The following EPM2A variants were observed in gnomAD, a reference collection of about 807,000 sequenced individuals.
The protein encoded by EPM2A is laforin.
Under a neutral mutation model 26.5 loss-of-function variants are expected in EPM2A, and 21 were observed. The ratio of observed to expected loss-of-function variants is 0.79; its 90% CI spans 0.56 to 1.14. The LOEUF (loss-of-function observed/expected upper bound fraction) is 1.14. EPM2A is among the 50% of genes most tolerant of loss of function. EPM2A has a pLI of 0.00. For missense variants in EPM2A, 458 were observed against 440.8 expected (o/e 1.04, Z -0.35); for synonymous variants, 217 against 177.6 (o/e 1.22, Z -1.76).
intron 4 of EPM2A, among the ~76,000 whole-genome samples, chr6:145,466,255 C>T (rs1243317315): frequency 6.7e-6 from 1 of 149,104 alleles, no homozygotes; most frequent in African/African-American, 2.5e-5. Flanking sequence ...TGACAAAGGG[C>T]TAATATCCAG....
chr6:145,456,977 T>C (rs1173909274), intron 4 of EPM2A, among the ~76,000 whole-genome samples: 1 of 152,170 alleles, frequency 6.6e-6, no homozygotes, highest in Admixed American at 6.5e-5. Context: ...AAAATTCAAA[T>C]AGACTATGAG....
intron 2 of EPM2A, among the ~76,000 whole-genome samples, chr6:145,617,011 T>C (rs1055023428): frequency 1.3e-5 from 2 of 152,150 alleles, no homozygotes; most frequent in African/African-American, 4.8e-5. Flanking sequence ...TGGGAGGGCA[T>C]CATTGGTTTT....
intron 2 of EPM2A, 138 bp downstream of exon 2, chr6:145,685,984 T>G: frequency 1.3e-6 from 1 of 741,116 alleles, no homozygotes; most frequent in Non-Finnish European, 2.4e-6. Context: ...TTCACTGTAA[T>G]TTTCTCCTCA....
chr6:145,729,374 T>C (rs1776370071), intron 1 of EPM2A, among the ~76,000 whole-genome samples: 1 of 152,124 alleles, frequency 6.6e-6, no homozygotes, highest in African/African-American at 2.4e-5. Flanking sequence ...AGACACTCAA[T>C]ACCAGCTCAT....
At chr6:145,457,211 TTGGCTGGGTG>T (rs1779272406) in intron 4 of EPM2A, among the ~76,000 whole-genome samples, 1 of 152,120 alleles carries the variant, frequency 6.6e-6, no homozygotes, top group Non-Finnish European at 1.5e-5. Flanking sequence ...AATTCTGCCT[TTGGCTGGGTG>T]TGGCGGCTCA....
intron 4 of EPM2A, among the ~76,000 whole-genome samples, chr6:145,456,879 A>G (rs1779268492): frequency 6.6e-6 from 1 of 152,190 alleles, no homozygotes; most frequent in Non-Finnish European, 1.5e-5. Context: ...GAAATTTTCA[A>G]TGTATATATT....
intron 2 of EPM2A, among the ~76,000 whole-genome samples, chr6:145,547,270 C>T (rs1317636881): frequency 2.0e-5 from 3 of 152,116 alleles, no homozygotes; most frequent in African/African-American, 7.2e-5. Context: ...CTCAGATGTA[C>T]TGTACCCACT....
intron 2 of EPM2A, among the ~76,000 whole-genome samples, chr6:145,568,834 C>T (rs1780918752): frequency 6.6e-6 from 1 of 152,118 alleles, no homozygotes; most frequent in Non-Finnish European, 1.5e-5. Context: ...TGCACATTTA[C>T]ATTATGCAGA....
chr6:145,505,903 T>A (rs428659), intron 2 of EPM2A, among the ~76,000 whole-genome samples: 4 of 152,008 alleles, frequency 2.6e-5, no homozygotes, highest in Admixed American at 2.6e-4. Context: ...AAACTATTTA[T>A]CACTAATGAC....
At chr6:145,581,282 G>A (rs1308293613) in intron 2 of EPM2A, among the ~76,000 whole-genome samples, 1 of 151,974 alleles carries the variant, frequency 6.6e-6, no homozygotes, top group African/African-American at 2.4e-5. Context: ...CATGTTTGTT[G>A]GCTGCGTGTA....
chr6:145,490,420 A>G lies in EPM2A; in HGVS notation c.555+12102T>C, dbSNP rs150720248. ...ACATTTGAGGGTGCTATTTCTAGCAAATCTTTCATGACAATTTGGACATTC... is the reference window on the plus strand; with the variant it reads ...ACATTTGAGGGTGCTATTTCTAGCAGATCTTTCATGACAATTTGGACATTC... On this transcript the variant is annotated intron_variant, in intron 4 of 4. Transcript: ENST00000638717. 467 of 772,150 alleles carry G rather than the reference A, an allele frequency of 6.0e-4. 3 individuals carry two copies. The African/African-American group carries it at 6.2e-3, about 10-fold the overall frequency. The allele number at this position is 772,150 out of a possible 1,614,324, so 47.8% of individuals were successfully genotyped here. A position where few individuals can be genotyped will look rare whatever the true frequency, so the allele number is the denominator to read the frequency against.
chr6:145,519,120 G>A (rs1044200357), intron 2 of EPM2A, among the ~76,000 whole-genome samples: 1 of 152,128 alleles, frequency 6.6e-6, no homozygotes, highest in Admixed American at 6.5e-5. Flanking sequence ...AATGTCATAA[G>A]GTGAAGAAAA....
intron 1 of EPM2A, among the ~76,000 whole-genome samples, chr6:145,703,905 T>G (rs767031191): frequency 6.6e-5 from 10 of 152,242 alleles, no homozygotes; most frequent in Non-Finnish European, 1.3e-4. Context: ...ATAACAACTG[T>G]GTGATGATCT....
At chr6:145,686,743 A>C (rs1033436421) in intron 1 of EPM2A, 4 of 174,010 alleles carry the variant, frequency 2.3e-5, no homozygotes, top group Admixed American at 1.7e-4. Flanking sequence ...ATGCATAATT[A>C]TAAATAAATG....
At chr6:145,644,012 T>C (rs1016279350) in intron 2 of EPM2A, among the ~76,000 whole-genome samples, 4 of 152,176 alleles carry the variant, frequency 2.6e-5, no homozygotes, top group African/African-American at 9.7e-5. Flanking sequence ...AGCTCCCATG[T>C]AACACCCATG....
chr6:145,521,480 A>C (rs758135554), intron 2 of EPM2A, among the ~76,000 whole-genome samples: 1 of 152,250 alleles, frequency 6.6e-6, no homozygotes, highest in Non-Finnish European at 1.5e-5. Flanking sequence ...TTCTAGCCAC[A>C]ATCATTTGAA....
chr6:145,562,127 G>GTA (rs755571602), intron 2 of EPM2A, among the ~76,000 whole-genome samples: 16,503 of 140,114 alleles, frequency 0.12, 997 homozygotes, highest in South Asian at 0.14. Context: ...ATTACAAAAA[G>GTA]GAAAAAAAAA....
chr6:145,635,039 G>T, intron 3 of EPM2A: 1 of 547,842 alleles, frequency 1.8e-6, no homozygotes, highest in Non-Finnish European at 3.2e-6. Context: ...CAATAAATAT[G>T]TGTTGAATGA....
At chr6:145,476,756 T>G (rs1779548335) in intron 4 of EPM2A, among the ~76,000 whole-genome samples, 1 of 151,832 alleles carries the variant, frequency 6.6e-6, no homozygotes, top group South Asian at 2.1e-4. Flanking sequence ...AAACAAATGG[T>G]AAGGAAGACA....
Sources: gnomAD v4.1 joint callset for allele counts (sites outside exome capture counted in the v4.1 genomes callset) on GRCh38, gnomAD v4.1.1 for gene constraint, MANE v1.5 for transcripts, NCBI Gene and HGNC (gene_info 2026-07-23, HGNC 2026-07-21) for gene names.